The following LARS2 variants were observed in gnomAD, a reference collection of about 807,000 sequenced individuals.
The protein encoded by LARS2 is leucine--tRNA ligase, mitochondrial.
Under a neutral mutation model 116.6 loss-of-function variants are expected in LARS2, and 81 were observed. The ratio of observed to expected loss-of-function variants is 0.69; its 90% CI spans 0.58 to 0.84. LARS2 has a LOEUF of 0.84. Among genes scored for constraint, LARS2 ranks in the 40% least tolerant of loss-of-function variants. The pLI is 0.00. For missense variants in LARS2, 968 were observed against 1,114.5 expected (o/e 0.87, Z 1.87); for synonymous variants, 396 against 407.2 (o/e 0.97, Z 0.33).
Position 45,485,758 on chromosome 3 carries a change from C to T in LARS2, c.1085C>T (p.Ala362Val). The change falls in exon 11 of 22, where the codon GCC (alanine) becomes GTC (valine). Residue 362 changes from alanine to valine, a missense_variant. Ala to Val is a moderately conservative substitution (Grantham distance 64). Coordinates refer to ENST00000645846, the MANE Select transcript of LARS2 (RefSeq NM_015340.4). ...TQQEVPVVIL[A>V]KADLEGSLDS... ...CAGGAGGTCCCTGTCGTTATTTTGGCCAAAGCTGACTTGGAAGGCTCTCTG... is the reference window on the plus strand; with the variant it reads ...CAGGAGGTCCCTGTCGTTATTTTGGTCAAAGCTGACTTGGAAGGCTCTCTG... 6.2e-7 allele frequency: 1 copy of T among 1,611,390 alleles called. No homozygotes were observed. Among genetic ancestry groups the T allele is most frequent in the Non-Finnish European group, 8.5e-7 (1 of 1,178,502 alleles).
intron 14 of LARS2, among the ~76,000 whole-genome samples, chr3:45,497,351 AAG>A (rs897904582): frequency 6.6e-6 from 1 of 152,144 alleles, no homozygotes; most frequent in Non-Finnish European, 1.5e-5. Flanking sequence ...TAGCCTTATA[AAG>A]AGAGAGAATG....
intron 20 of LARS2, among the ~76,000 whole-genome samples, chr3:45,535,373 G>A (rs1357822829): frequency 1.0e-4 from 15 of 147,646 alleles, no homozygotes; most frequent in African/African-American, 3.5e-4. Flanking sequence ...AAAAAGAAAA[G>A]AAAAGAAAAG....
At chr3:45,482,136 C>T (rs890762829) in intron 10 of LARS2, among the ~76,000 whole-genome samples, 3 of 152,146 alleles carry the variant, frequency 2.0e-5, no homozygotes, top group Non-Finnish European at 2.9e-5. Context: ...TATTTTCTGG[C>T]CTTCACTTAA....
chr3:45,413,224 A>T (rs965423100), intron 4 of LARS2, among the ~76,000 whole-genome samples: 9 of 152,214 alleles, frequency 5.9e-5, no homozygotes, highest in Non-Finnish European at 1.0e-4. Flanking sequence ...TCAGGTATTA[A>T]TATCTTCCGT....
intron 6 of LARS2, among the ~76,000 whole-genome samples, chr3:45,444,880 A>G (rs1056188067): frequency 1.5e-4 from 23 of 151,780 alleles, no homozygotes; most frequent in African/African-American, 4.3e-4. Context: ...GAACAACTCA[A>G]TAGAAAAATT....
intron 15 of LARS2, among the ~76,000 whole-genome samples, chr3:45,507,791 A>G (rs979278096): frequency 3.9e-5 from 6 of 152,084 alleles, no homozygotes; most frequent in Non-Finnish European, 5.9e-5. Context: ...AACACTAGCT[A>G]TCTCTGGGTG....
intron 3 of LARS2, among the ~76,000 whole-genome samples, chr3:45,394,961 A>G (rs1439224728): frequency 1.3e-5 from 2 of 152,212 alleles, no homozygotes; most frequent in East Asian, 3.9e-4. Flanking sequence ...ATGCACACAT[A>G]GTAATATTGC....
At position 45,528,480 on chromosome 3, in the gene LARS2, A is replaced by T. The variant is rs369447550; in HGVS notation, c.2404+4372A>T. Among the ~76,000 whole-genome samples the T allele has an allele frequency of 2.4e-3, 368 of 152,312 alleles. 12 individuals are homozygous for T. In the South Asian group the frequency reaches 0.07, roughly 29 times the overall value. ...TAAAATTTACCCATTTTAAGTATAT[A>T]CTCAGTGTTTTAAGTAAATTTATAT... is the stretch of plus-strand genomic sequence containing the variant. On this transcript the variant is annotated intron_variant, in intron 20 of 21. Coordinates refer to ENST00000645846, the MANE Select transcript of LARS2 (RefSeq NM_015340.4).
chr3:45,481,687 CATTTTAA>C (rs1159469301), intron 10 of LARS2, among the ~76,000 whole-genome samples: 1 of 152,044 alleles, frequency 6.6e-6, no homozygotes, highest in Admixed American at 6.6e-5. Flanking sequence ...AATTCATTTT[CATTTTAA>C]TTTTTAATTT....
intron 6 of LARS2, among the ~76,000 whole-genome samples, chr3:45,423,501 G>A (rs988711246): frequency 6.6e-6 from 1 of 151,996 alleles, no homozygotes; most frequent in African/African-American, 2.4e-5. Context: ...TTGAAGAGAC[G>A]GGGTTCTGCC....
chr3:45,519,250 G>A (rs1252314401), intron 18 of LARS2, among the ~76,000 whole-genome samples: 1 of 151,942 alleles, frequency 6.6e-6, no homozygotes, highest in Admixed American at 6.6e-5. Flanking sequence ...CCAGCACTTT[G>A]GGAGGCCAAG....
At chr3:45,513,306 C>T in intron 16 of LARS2, 71 bp downstream of exon 16, 2 of 1,012,160 alleles carry the variant, frequency 2.0e-6, no homozygotes, top group Admixed American at 3.4e-5. Flanking sequence ...AGCTACTGAG[C>T]AAGCAGGCAT....
chr3:45,438,758 G>C (rs28429167), intron 6 of LARS2, among the ~76,000 whole-genome samples: 135,272 of 151,888 alleles, frequency 0.89, 62,284 homozygotes, highest in East Asian at 1. Context: ...TCGCTTGAAC[G>C]TGGGAGGCGG....
At chr3:45,508,750 A>T (rs923634482) in intron 15 of LARS2, among the ~76,000 whole-genome samples, 1 of 151,952 alleles carries the variant, frequency 6.6e-6, no homozygotes, top group African/African-American at 2.4e-5. Context: ...CCTTGTATAT[A>T]GTGATTTTTT....
intron 14 of LARS2, 62 bp from the exon 15 acceptor site, chr3:45,500,380 G>A: frequency 1.3e-6 from 2 of 1,524,498 alleles, no homozygotes; most frequent in Non-Finnish European, 9.0e-7. Context: ...CAATAGGCCT[G>A]TTTAATTTAC....
intron 6 of LARS2, among the ~76,000 whole-genome samples, chr3:45,438,025 T>C (rs1021184707): frequency 1.3e-5 from 2 of 152,010 alleles, no homozygotes; most frequent in African/African-American, 4.8e-5. Flanking sequence ...CAGGGGTAAA[T>C]TGCAATTTTA....
At chr3:45,499,969 A>G (rs1478814743) in intron 14 of LARS2, among the ~76,000 whole-genome samples, 2 of 151,714 alleles carry the variant, frequency 1.3e-5, no homozygotes, top group East Asian at 1.9e-4. Context: ...CTTTTCTCAT[A>G]TATATATTTT....
intron 12 of LARS2, 57 bp from the exon 13 acceptor site, chr3:45,491,460 A>C (rs1699912734): frequency 6.4e-7 from 1 of 1,566,098 alleles, no homozygotes; most frequent in Non-Finnish European, 8.7e-7. Flanking sequence ...TGGCAGCATC[A>C]GGGTGGTGAC....
chr3:45,500,291 C>T (rs1325533382), intron 14 of LARS2, 151 bp from the exon 15 acceptor site: 19 of 779,058 alleles, frequency 2.4e-5, no homozygotes, highest in African/African-American at 9.3e-5. Context: ...CATGAGCCAC[C>T]GCGCCCGGCC....
Sources: allele counts gnomAD v4.1 joint callset (sites outside exome capture counted in the v4.1 genomes callset), GRCh38; gene constraint gnomAD v4.1.1; transcripts MANE v1.5; gene names NCBI Gene and HGNC (gene_info 2026-07-23, HGNC 2026-07-21).